Variants in ARFIP1 observed in about 807,000 individuals in gnomAD.
ARFIP1 encodes ARF interacting protein 1.
In ARFIP1, 24 loss-of-function variants were observed where a neutral mutation model predicts 42.5. That is an observed-to-expected ratio of 0.57 (90% CI 0.41 to 0.80). ARFIP1 has a LOEUF of 0.80. ARFIP1 is among the 30% of genes least tolerant of loss of function. ARFIP1 has a pLI of 0.00. For missense variants in ARFIP1, 354 were observed against 434.0 expected (o/e 0.82, Z 1.64); for synonymous variants, 141 against 153.7 (o/e 0.92, Z 0.61).
At chr4:152,798,282 A>G (rs1321969351) in intron 1 of ARFIP1, among the ~76,000 whole-genome samples, 1 of 152,244 alleles carries the variant, frequency 6.6e-6, no homozygotes, top group African/African-American at 2.4e-5. Context: ...GAATAGTGGT[A>G]GAAATGGTGG....
At chr4:152,863,472 A>T (rs1446624304) in intron 2 of ARFIP1, 134 bp from the exon 3 acceptor site, 1 of 534,284 alleles carries the variant, frequency 1.9e-6, no homozygotes, top group African/African-American at 1.9e-5. Context: ...GAATGCCATG[A>T]TAGCATAAGG....
At chr4:152,878,086 A>G (rs1422369674) in intron 5 of ARFIP1, among the ~76,000 whole-genome samples, 2 of 152,230 alleles carry the variant, frequency 1.3e-5, no homozygotes, top group Non-Finnish European at 2.9e-5. Context: ...TTTGTACACT[A>G]TCACTGTATT....
intron 4 of ARFIP1, among the ~76,000 whole-genome samples, chr4:152,872,157 C>T (rs181776794): frequency 8.4e-4 from 127 of 152,002 alleles, no homozygotes; most frequent in African/African-American, 3.0e-3. Context: ...TTGAAGTAAG[C>T]GGCAGCTTAT....
Position 152,779,958 on chromosome 4 carries a change from T to A in ARFIP1, c.-278T>A, listed in dbSNP as rs2149808643. 6.6e-6 allele frequency: 1 copy of A among 152,618 alleles called. No homozygotes were observed. The highest frequency in any genetic ancestry group is 1.5e-5 in the Non-Finnish European group (1 of 68,264). 9.5% of individuals were successfully genotyped at this position (152,618 alleles called of 1,614,324 possible). ...AGGGACAACGCTACTTCCGGTCTCCTCACTTCCGGCTTCGCTGCTCTTGGT... is the reference window on the plus strand; with the variant it reads ...AGGGACAACGCTACTTCCGGTCTCCACACTTCCGGCTTCGCTGCTCTTGGT... On this transcript the variant is annotated 5_prime_UTR_variant, in exon 1 of 9. Transcript: ENST00000353617.
chr4:152,883,214 G>A (rs1735985743), intron 7 of ARFIP1: 1 of 228,912 alleles, frequency 4.4e-6, no homozygotes, highest in African/African-American at 2.4e-5. Flanking sequence ...ATCTAATTGA[G>A]CCTTGGTCAT....
intron 2 of ARFIP1, among the ~76,000 whole-genome samples, chr4:152,846,568 T>C (rs1732552632): frequency 6.6e-6 from 1 of 152,214 alleles, no homozygotes; most frequent in African/African-American, 2.4e-5. Context: ...TGGCTTACTT[T>C]TCCCCATTTA....
chr4:152,905,725 A>G (rs1738303688), intron 8 of ARFIP1, among the ~76,000 whole-genome samples: 2 of 150,308 alleles, frequency 1.3e-5, no homozygotes, highest in South Asian at 4.2e-4. Flanking sequence ...GCTAATTTTT[A>G]TATTTTTAGT....
intron 1 of ARFIP1, among the ~76,000 whole-genome samples, chr4:152,815,776 G>A (rs894498297): frequency 1.1e-4 from 13 of 117,744 alleles, no homozygotes; most frequent in Admixed American, 5.1e-4. Flanking sequence ...ACGGAGTCTC[G>A]CTCTGTCGCC....
At chr4:152,821,633 G>A (rs990649531) in intron 1 of ARFIP1, among the ~76,000 whole-genome samples, 2 of 152,146 alleles carry the variant, frequency 1.3e-5, no homozygotes, top group African/African-American at 2.4e-5. Flanking sequence ...AATAAAAGAA[G>A]CTTAAAGAAC....
chr4:152,803,555 C>T (rs542886472), intron 1 of ARFIP1, among the ~76,000 whole-genome samples: 18 of 152,078 alleles, frequency 1.2e-4, no homozygotes, highest in Non-Finnish European at 2.1e-4. Context: ...GTGTCAAAAT[C>T]CACCCCCAAC....
chr4:152,873,020 T>C (rs961933092), intron 5 of ARFIP1, among the ~76,000 whole-genome samples: 2 of 152,258 alleles, frequency 1.3e-5, no homozygotes, highest in African/African-American at 2.4e-5. Flanking sequence ...TTCTAAAGTT[T>C]GTTAACATTC....
intron 8 of ARFIP1, among the ~76,000 whole-genome samples, chr4:152,893,300 A>G (rs1463000857): frequency 6.9e-6 from 1 of 144,208 alleles, no homozygotes; most frequent in Admixed American, 6.8e-5. Context: ...TCATGAGGCC[A>G]AAGCATAGTC....
chr4:152,782,171 T>G (rs935808773), intron 1 of ARFIP1, among the ~76,000 whole-genome samples: 1 of 151,676 alleles, frequency 6.6e-6, no homozygotes, highest in African/African-American at 2.4e-5. Flanking sequence ...TCTTGATAGA[T>G]TAAAACCACC....
chr4:152,871,216 A>G (rs139215062), intron 4 of ARFIP1, among the ~76,000 whole-genome samples: 1 of 152,346 alleles, frequency 6.6e-6, no homozygotes, highest in East Asian at 1.9e-4. Flanking sequence ...ACAACCTTCA[A>G]CAATTAGGTT....
chr4:152,790,750 T>C (rs1731098944), intron 1 of ARFIP1, among the ~76,000 whole-genome samples: 3 of 149,542 alleles, frequency 2.0e-5, no homozygotes, highest in South Asian at 2.1e-4. Context: ...TTTTTTTTTT[T>C]TGAGGCAGAA....
intron 3 of ARFIP1, among the ~76,000 whole-genome samples, chr4:152,864,791 A>G (rs572432734): frequency 8.4e-4 from 128 of 152,298 alleles, no homozygotes; most frequent in African/African-American, 3.1e-3. Context: ...AGCCTTTTTA[A>G]GGATAGCAGT....
At chr4:152,873,822 A>G (rs1022973464) in intron 5 of ARFIP1, among the ~76,000 whole-genome samples, 2 of 152,086 alleles carry the variant, frequency 1.3e-5, no homozygotes, top group African/African-American at 4.8e-5. Flanking sequence ...CCTTCAGTCA[A>G]TCCCCACTGT....
chr4:152,822,050 A>G (rs1385109362), intron 1 of ARFIP1, among the ~76,000 whole-genome samples: 2 of 152,202 alleles, frequency 1.3e-5, no homozygotes, highest in Non-Finnish European at 2.9e-5. Flanking sequence ...TCATAAAACA[A>G]TAATACAGTG....
At chr4:152,828,273 C>T (rs576750256) in intron 1 of ARFIP1, among the ~76,000 whole-genome samples, 13 of 152,276 alleles carry the variant, frequency 8.5e-5, no homozygotes, top group Non-Finnish European at 8.8e-5. Flanking sequence ...TTTAATTTTG[C>T]GAGAAACTAC....
Sources: gnomAD v4.1 joint callset for allele counts (sites outside exome capture counted in the v4.1 genomes callset) on GRCh38, gnomAD v4.1.1 for gene constraint, MANE v1.5 for transcripts, NCBI Gene and HGNC (gene_info 2026-07-23, HGNC 2026-07-21) for gene names.